SYNPR: variants seen among roughly 807,000 people sequenced by gnomAD.
The protein encoded by SYNPR is synaptoporin.
In SYNPR, 23 loss-of-function variants were observed where a neutral mutation model predicts 32.9. That is an observed-to-expected ratio of 0.70 (90% CI 0.50 to 0.99). The LOEUF is 0.99. Ranked by LOEUF, SYNPR falls within the 50% of genes least tolerant of loss-of-function variation. SYNPR has a pLI of 0.00. For synonymous variants in SYNPR, 146 were observed against 135.9 expected (o/e 1.07, Z -0.52); for missense variants, 318 against 349.3 (o/e 0.91, Z 0.71).
At chr3:63,440,576 T>A (rs1463417216) in intron 2 of SYNPR, among the ~76,000 whole-genome samples, 1 of 152,126 alleles carries the variant, frequency 6.6e-6, no homozygotes, top group Non-Finnish European at 1.5e-5. Flanking sequence ...TTAGAAAATG[T>A]TAATGCTCTA....
intron 3 of SYNPR, among the ~76,000 whole-genome samples, chr3:63,539,267 G>A (rs1702259601): frequency 1.3e-5 from 2 of 152,110 alleles, no homozygotes; most frequent in Admixed American, 6.6e-5. Flanking sequence ...ATCCATGAAG[G>A]GAGGTGTGAA....
At chr3:63,546,922 G>A (rs927300644) in intron 3 of SYNPR, among the ~76,000 whole-genome samples, 1 of 152,112 alleles carries the variant, frequency 6.6e-6, no homozygotes, top group Admixed American at 6.6e-5. Flanking sequence ...TTCAACCAAG[G>A]TTAGGAAAGA....
chr3:63,345,687 G>C (rs772529622), intron 2 of SYNPR, among the ~76,000 whole-genome samples: 6 of 152,230 alleles, frequency 3.9e-5, no homozygotes, highest in Non-Finnish European at 7.3e-5. Flanking sequence ...GCAGCTTCCT[G>C]AGGAGAGGGG....
intron 3 of SYNPR, among the ~76,000 whole-genome samples, chr3:63,510,939 G>A (rs1013780559): frequency 2.0e-4 from 30 of 148,844 alleles, no homozygotes; most frequent in African/African-American, 7.1e-4. Flanking sequence ...GTGTGTGCGC[G>A]CACGTTGTGT....
chr3:63,460,736 A>G (rs1377936200), intron 2 of SYNPR, among the ~76,000 whole-genome samples: 1 of 152,112 alleles, frequency 6.6e-6, no homozygotes, highest in African/African-American at 2.4e-5. Context: ...TCTATCTGGC[A>G]GGCAATGGAG....
At chr3:63,585,625 G>A (rs1371237706) in intron 4 of SYNPR, among the ~76,000 whole-genome samples, 1 of 152,014 alleles carries the variant, frequency 6.6e-6, no homozygotes, top group Non-Finnish European at 1.5e-5. Context: ...GCATACCAGA[G>A]ACACAGAATC....
chr3:63,521,567 G>A (rs1468599326), intron 3 of SYNPR, among the ~76,000 whole-genome samples: 1 of 152,130 alleles, frequency 6.6e-6, no homozygotes, highest in Non-Finnish European at 1.5e-5. Flanking sequence ...CACCAATAGG[G>A]AAGGGTACAT....
chr3:63,369,351 TGATA>T (rs1163799359), intron 2 of SYNPR, among the ~76,000 whole-genome samples: 2 of 152,130 alleles, frequency 1.3e-5, no homozygotes, highest in African/African-American at 4.8e-5. Context: ...CTGAGCAAAC[TGATA>T]GAGTCTGCAA....
At chr3:63,310,648 A>C (rs1050260429) in intron 2 of SYNPR, among the ~76,000 whole-genome samples, 2 of 152,052 alleles carry the variant, frequency 1.3e-5, no homozygotes, top group African/African-American at 4.8e-5. Context: ...GGCCTCAGAA[A>C]AATATTCATG....
At chr3:63,244,060 C>T (rs552467079) in intron 1 of SYNPR, among the ~76,000 whole-genome samples, 1 of 152,046 alleles carries the variant, frequency 6.6e-6, no homozygotes, top group Non-Finnish European at 1.5e-5. Flanking sequence ...AACCATGTAG[C>T]ATTATGAGGC....
intron 4 of SYNPR, among the ~76,000 whole-genome samples, chr3:63,564,947 T>TG (rs1205776084): frequency 2.0e-5 from 3 of 152,192 alleles, no homozygotes; most frequent in Admixed American, 2.0e-4. Context: ...TCTGTGCCTT[T>TG]GGTGGGCTGG....
At chr3:63,563,779 T>C (rs1575713101) in intron 4 of SYNPR, among the ~76,000 whole-genome samples, 1 of 152,056 alleles carries the variant, frequency 6.6e-6, no homozygotes, top group African/African-American at 2.4e-5. Context: ...TTGCTAGGGG[T>C]ATGTAGACAG....
chr3:63,506,651 A>T (rs1263225523), intron 3 of SYNPR, among the ~76,000 whole-genome samples: 1 of 152,164 alleles, frequency 6.6e-6, no homozygotes, highest in Admixed American at 6.5e-5. Context: ...TGATCATAGA[A>T]ACTTTTCTTA....
chr3:63,396,982 T>C (rs2088223528), intron 2 of SYNPR, among the ~76,000 whole-genome samples: 1 of 151,766 alleles, frequency 6.6e-6, no homozygotes, highest in Non-Finnish European at 1.5e-5. Context: ...CAGGCACCTG[T>C]AGTCTCAGCC....
chr3:63,208,685 G>T, the SYNPR span, among the ~76,000 whole-genome samples: 1 of 152,168 alleles, frequency 6.6e-6, no homozygotes, highest in Non-Finnish European at 1.5e-5. Context: ...GTTTGGGAAG[G>T]CCTGCAAACT....
At chr3:63,334,463 C>T (rs1251932515) in intron 2 of SYNPR, among the ~76,000 whole-genome samples, 2 of 152,026 alleles carry the variant, frequency 1.3e-5, no homozygotes, top group African/African-American at 4.8e-5. Context: ...TGTCTTTCAT[C>T]AGCCCTTCTG....
intron 4 of SYNPR, 80 bp downstream of exon 4, chr3:63,556,821 C>A: frequency 7.5e-7 from 1 of 1,340,334 alleles, no homozygotes; most frequent in Non-Finnish European, 1.0e-6. Flanking sequence ...TTTGGAGTTA[C>A]CTGAGCCCTC....
intron 2 of SYNPR, among the ~76,000 whole-genome samples, chr3:63,413,813 C>G (rs2088500986): frequency 6.6e-6 from 1 of 151,922 alleles, no homozygotes; most frequent in Non-Finnish European, 1.5e-5. Context: ...TCCATGCTGC[C>G]CAGATGTGAA....
At chr3:63,546,533 T>C (rs1216261515) in intron 3 of SYNPR, among the ~76,000 whole-genome samples, 1 of 152,140 alleles carries the variant, frequency 6.6e-6, no homozygotes, top group Non-Finnish European at 1.5e-5. Context: ...TATCTTCACA[T>C]GTCTGAGTAC....
Sources: allele counts gnomAD v4.1 joint callset (sites outside exome capture counted in the v4.1 genomes callset), GRCh38; gene constraint gnomAD v4.1.1; transcripts MANE v1.5; gene names NCBI Gene and HGNC (gene_info 2026-07-23, HGNC 2026-07-21).